SLC22A24: variants seen among roughly 807,000 people sequenced by gnomAD.
SLC22A24 encodes solute carrier family 22 member 24.
In SLC22A24, 53 loss-of-function variants were observed where a neutral mutation model predicts 49.8. That is an observed-to-expected ratio of 1.06 (90% CI 0.85 to 1.34). The LOEUF (loss-of-function observed/expected upper bound fraction) is 1.34, where lower values mean the gene tolerates loss of function less well. Ranked by LOEUF, SLC22A24 falls within the 40% of genes most tolerant of loss-of-function variation. SLC22A24 has a pLI of 0.00. For missense variants in SLC22A24, 786 were observed against 675.9 expected, an observed-to-expected ratio of 1.16 and a Z score of -1.81; for synonymous variants, 302 against 256.4, an observed-to-expected ratio of 1.18 and a Z score of -1.70.
At chr11:63,106,129 T>C (rs552773484) in intron 4 of SLC22A24, among the ~76,000 whole-genome samples, 120 of 138,354 alleles carry the variant, frequency 8.7e-4, no homozygotes, top group African/African-American at 3.0e-3. Context: ...CCCCTTCCTG[T>C]GTCCATGTGT....
At position 63,143,667 on chromosome 11, in the gene SLC22A24, T is replaced by C; in HGVS notation, c.113A>G (p.Glu38Gly). 1 of 1,597,298 alleles carries C rather than the reference T, an allele frequency of 6.3e-7. No homozygotes were observed. Among genetic ancestry groups the C allele is most frequent in the Non-Finnish European group, 8.5e-7 (1 of 1,172,500 alleles). Residue 38 changes from glutamate to glycine, a missense_variant, in exon 1 of 10, where the codon GAG (glutamate) becomes GGG (glycine). Transcript: ENST00000612278. ...NILLFPNIVL[E>G]NFTAFTPSHR... ...ACTAGGGGTGAATGCAGTGAAGTTC[T>C]CCAACACAATATTAGGGAACAGTAG...
intron 4 of SLC22A24, among the ~76,000 whole-genome samples, chr11:63,105,750 A>G (rs2134652797): frequency 6.6e-6 from 1 of 151,936 alleles, no homozygotes; most frequent in African/African-American, 2.4e-5. Context: ...CATGCCCTGG[A>G]GACATTTTCC....
intron 2 of SLC22A24, among the ~76,000 whole-genome samples, chr11:63,130,253 G>A (rs1023349630): frequency 2.0e-5 from 3 of 152,146 alleles, no homozygotes; most frequent in Non-Finnish European, 4.4e-5. Context: ...TTTGTCATTG[G>A]TTCTGTTTAT....
chr11:63,117,273 G>T (rs562115174), intron 4 of SLC22A24, among the ~76,000 whole-genome samples: 1 of 152,266 alleles, frequency 6.6e-6, no homozygotes, highest in South Asian at 2.1e-4. Context: ...TTGGTTAGTG[G>T]CTTTTTGTTA....
At chr11:63,129,193 T>C (rs1286630128) in intron 2 of SLC22A24, among the ~76,000 whole-genome samples, 1 of 152,220 alleles carries the variant, frequency 6.6e-6, no homozygotes, top group African/African-American at 2.4e-5. Context: ...TTTCTACGTA[T>C]GGCTAGCCAG....
At chr11:63,098,189 C>A (rs1304884790) in intron 5 of SLC22A24, among the ~76,000 whole-genome samples, 1 of 152,046 alleles carries the variant, frequency 6.6e-6, no homozygotes, top group Non-Finnish European at 1.5e-5. Flanking sequence ...ACTATACAGA[C>A]ACATGGAAAT....
chr11:63,107,509 G>A lies in SLC22A24; in HGVS notation c.831-3211C>T, dbSNP rs186523066. ...TTGATGGGGATGGCATTGAATCTAT[G>A]AATTACCTTGGGCAATATGGCCATT... On this transcript the variant is annotated intron_variant, in intron 4 of 9. Transcript: ENST00000612278. Among the ~76,000 whole-genome samples, 12 of 152,148 alleles carry A rather than the reference G, an allele frequency of 7.9e-5. No homozygotes were observed. In the East Asian group the frequency reaches 2.3e-3, roughly 29 times the overall value.
In SLC22A24 at chr11:63,118,589, GC is replaced by G. The variant is rs2087228031; in HGVS notation, c.830+322del. ...TTCAATCTCAGTTACAATGACAAAA[GC>G]CCCCAAATTATCTCCATCACATAAT... On this transcript the variant is annotated intron_variant, in intron 4 of 9. Coordinates refer to ENST00000612278, the MANE Select transcript of SLC22A24 (RefSeq NM_001136506.2). The G allele has an allele frequency of 7.6e-6, 4 of 527,242 alleles. No homozygotes were observed. The Admixed American group carries it at 1.0e-4, about 13-fold the overall frequency. The allele number at this position is 527,242 out of a possible 1,614,324, so 32.7% of individuals were successfully genotyped here.
At chr11:63,101,630 A>G (rs2087091613) in intron 5 of SLC22A24, among the ~76,000 whole-genome samples, 2 of 152,090 alleles carry the variant, frequency 1.3e-5, no homozygotes, top group South Asian at 4.1e-4. Context: ...TTGAAGAGAT[A>G]TCTGCACTTC....
chr11:63,122,319 C>T (rs1223511575), intron 2 of SLC22A24, among the ~76,000 whole-genome samples: 1 of 152,080 alleles, frequency 6.6e-6, no homozygotes, highest in African/African-American at 2.4e-5. Context: ...CCTGGTTCTC[C>T]GAGCTACTGT....
intron 6 of SLC22A24, among the ~76,000 whole-genome samples, chr11:63,090,599 T>A (rs1346219685): frequency 6.6e-6 from 1 of 151,002 alleles, no homozygotes; most frequent in Admixed American, 6.6e-5. Context: ...TGTGCCTGAA[T>A]GACTACTGGG....
At chr11:63,110,004 C>A (rs570916963) in intron 4 of SLC22A24, among the ~76,000 whole-genome samples, 1 of 152,138 alleles carries the variant, frequency 6.6e-6, no homozygotes, top group African/African-American at 2.4e-5. Flanking sequence ...GTCTTTAATC[C>A]ATCTTGAATT....
chr11:63,126,641 G>A (rs1590747066), intron 2 of SLC22A24, among the ~76,000 whole-genome samples: 5 of 152,222 alleles, frequency 3.3e-5, no homozygotes, highest in Admixed American at 3.3e-4. Context: ...TAGCTATGTG[G>A]GGTCTTTTTT....
At chr11:63,126,070 G>T (rs2087288283) in intron 2 of SLC22A24, among the ~76,000 whole-genome samples, 1 of 152,012 alleles carries the variant, frequency 6.6e-6, no homozygotes, top group Non-Finnish European at 1.5e-5. Flanking sequence ...CCCTTTGTCA[G>T]ATGGGTAGAT....
intron 6 of SLC22A24, among the ~76,000 whole-genome samples, chr11:63,091,436 G>A (rs2087019942): frequency 6.6e-6 from 1 of 152,090 alleles, no homozygotes; most frequent in African/African-American, 2.4e-5. Flanking sequence ...ACCAAAAGCT[G>A]GCAGAGACAC....
intron 2 of SLC22A24, among the ~76,000 whole-genome samples, chr11:63,119,650 CAT>C (rs2087237665): frequency 6.6e-6 from 1 of 152,140 alleles, no homozygotes; most frequent in Non-Finnish European, 1.5e-5. Flanking sequence ...TTCTACAAAA[CAT>C]ATGCATTTAG....
In SLC22A24 at chr11:63,118,973, C is replaced by A; in HGVS notation, c.769G>T (p.Asp257Tyr). The change falls in exon 4 of 10, where the codon GAC becomes TAC. Residue 257 changes from aspartate (D) to tyrosine (Y), a missense_variant. By Grantham distance (160) the Asp-to-Tyr change is radical. Coordinates refer to ENST00000612278, the MANE Select transcript of SLC22A24 (RefSeq NM_001136506.2). Reference sequence around the variant, plus strand: ...ACAGTCAGTTGCAATATGTGCCAGTCCTGAATGGCAAAAGCCAGCCCTCCT... The same window carrying A: ...ACAGTCAGTTGCAATATGTGCCAGTACTGAATGGCAAAAGCCAGCCCTCCT... ...LLGGLAFAIQ[D>Y]WHILQLTVST... 2 of 1,551,890 alleles carry A rather than the reference C, an allele frequency of 1.3e-6. No individual in the cohort carries two copies. Among genetic ancestry groups the A allele is most frequent in the Non-Finnish European group, 8.7e-7 (1 of 1,147,010 alleles).
chr11:63,132,884 T>C (rs1271452766), intron 2 of SLC22A24, among the ~76,000 whole-genome samples: 1 of 152,162 alleles, frequency 6.6e-6, no homozygotes, highest in Non-Finnish European at 1.5e-5. Flanking sequence ...TCTGCTGCCT[T>C]TTGTTCAGCT....
chr11:63,080,075 T>C, intron 9 of SLC22A24, 75 bp from the exon 10 acceptor site: 1 of 988,724 alleles, frequency 1.0e-6, no homozygotes, highest in South Asian at 1.4e-5. Context: ...AGCATATATA[T>C]ACTGTGTGCC....
Sources: gnomAD v4.1 joint callset for allele counts (sites outside exome capture counted in the v4.1 genomes callset) on GRCh38, gnomAD v4.1.1 for gene constraint, MANE v1.5 for transcripts, NCBI Gene and HGNC (gene_info 2026-07-23, HGNC 2026-07-21) for gene names.